LRRTM4: variants seen among roughly 807,000 people sequenced by gnomAD.
LRRTM4 encodes the protein leucine rich repeat transmembrane neuronal 4.
A neutral mutation model predicts 47.6 loss-of-function variants in LRRTM4; 25 were observed. The observed-to-expected ratio is 0.53, with a 90% confidence interval of 0.38 to 0.73. The LOEUF is 0.73. LRRTM4 is among the 30% of genes least tolerant of loss of function. The pLI is 0.00. For missense variants in LRRTM4, 638 were observed against 713.4 expected (o/e 0.89, Z 1.20); for synonymous variants, 311 against 269.5 (o/e 1.15, Z -1.51).
At chr2:77,196,312 C>T (rs1011083451) in intron 3 of LRRTM4, among the ~76,000 whole-genome samples, 1 of 152,094 alleles carries the variant, frequency 6.6e-6, no homozygotes, top group African/African-American at 2.4e-5. Flanking sequence ...CATTTATTCA[C>T]GTTGAGTACA....
At position 77,521,674 on chromosome 2, in the gene LRRTM4, T is replaced by C. The variant is rs1679506780; in HGVS notation, c.-3A>G. The stretch of plus-strand genomic sequence containing the variant: ...ACAACAAAAGTTCACTTACCCATCC[T>C]TTGTCATCCAAAAACGTTTCCCCCC... On this transcript the variant is annotated 5_prime_UTR_variant, in exon 2 of 4. Transcript: ENST00000409884. The C allele has an allele frequency of 2.5e-6, 4 of 1,612,040 alleles. No individual in the cohort carries two copies. Among genetic ancestry groups the C allele is most frequent in the Non-Finnish European group, 2.5e-6 (3 of 1,179,072 alleles).
intron 3 of LRRTM4, among the ~76,000 whole-genome samples, chr2:77,047,210 A>C (rs965770597): frequency 6.6e-6 from 1 of 152,056 alleles, no homozygotes; most frequent in Non-Finnish European, 1.5e-5. Context: ...TTATTAAATG[A>C]ACTGAGCCTT....
chr2:77,370,457 G>A (rs1173141109), intron 3 of LRRTM4, among the ~76,000 whole-genome samples: 1 of 151,468 alleles, frequency 6.6e-6, no homozygotes, highest in Non-Finnish European at 1.5e-5. Flanking sequence ...CTTCTAATTT[G>A]AGGAAAATAG....
chr2:77,166,262 A>C (rs1313210610), intron 3 of LRRTM4, among the ~76,000 whole-genome samples: 1 of 152,164 alleles, frequency 6.6e-6, no homozygotes, highest in Admixed American at 6.6e-5. Flanking sequence ...GATGTGAAGG[A>C]CCTCTTCAAG....
At chr2:76,938,769 TTATAA>T (rs1169870073) in intron 3 of LRRTM4, among the ~76,000 whole-genome samples, 7 of 152,254 alleles carry the variant, frequency 4.6e-5, no homozygotes, top group Admixed American at 6.5e-5. Flanking sequence ...AAATTATCCT[TTATAA>T]TATATCACTG....
At chr2:76,990,816 A>T (rs549693702) in intron 3 of LRRTM4, among the ~76,000 whole-genome samples, 1 of 151,792 alleles carries the variant, frequency 6.6e-6, no homozygotes, top group South Asian at 2.1e-4. Context: ...ACACCTACAG[A>T]CTATTGCACC....
At chr2:77,511,934 T>C (rs143795029) in intron 3 of LRRTM4, among the ~76,000 whole-genome samples, 825 of 152,204 alleles carry the variant, frequency 5.4e-3, no homozygotes, top group Non-Finnish European at 8.0e-3. Context: ...ACTTAAGGTG[T>C]TAGCTTTCAT....
chr2:77,101,341 A>G (rs911092570), intron 3 of LRRTM4, among the ~76,000 whole-genome samples: 1 of 152,186 alleles, frequency 6.6e-6, no homozygotes, highest in Non-Finnish European at 1.5e-5. Flanking sequence ...CTATACCAGA[A>G]GTCCTTCTTA....
chr2:76,852,007 A>G (rs893828469), intron 3 of LRRTM4, among the ~76,000 whole-genome samples: 3 of 152,154 alleles, frequency 2.0e-5, no homozygotes, highest in South Asian at 2.1e-4. Context: ...TTGCATGTAC[A>G]TTAAAGACTC....
At chr2:77,447,490 A>G (rs115610593) in intron 3 of LRRTM4, among the ~76,000 whole-genome samples, 5,075 of 152,182 alleles carry the variant, frequency 0.033, 117 homozygotes, top group Non-Finnish European at 0.049. Flanking sequence ...ACCATGTGTT[A>G]TTAGCCACAC....
intron 3 of LRRTM4, among the ~76,000 whole-genome samples, chr2:77,442,884 G>C (rs138235605): frequency 3.9e-5 from 6 of 152,116 alleles, no homozygotes; most frequent in Non-Finnish European, 8.8e-5. Flanking sequence ...CCAATGGAGA[G>C]GATATGGAAG....
At chr2:76,779,454 G>T (rs1674224248) in intron 3 of LRRTM4, among the ~76,000 whole-genome samples, 2 of 148,420 alleles carry the variant, frequency 1.3e-5, no homozygotes, top group African/African-American at 5.0e-5. Flanking sequence ...CCTGTATTGG[G>T]TGCATATATA....
At chr2:77,059,969 CT>C (rs1679733341) in intron 3 of LRRTM4, among the ~76,000 whole-genome samples, 1 of 152,100 alleles carries the variant, frequency 6.6e-6, no homozygotes, top group African/African-American at 2.4e-5. Flanking sequence ...TTTGTATCTG[CT>C]TTGTTTTTAG....
intron 3 of LRRTM4, among the ~76,000 whole-genome samples, chr2:76,838,914 A>T (rs1396671072): frequency 6.6e-6 from 1 of 152,106 alleles, no homozygotes; most frequent in Non-Finnish European, 1.5e-5. Context: ...AAATAAACCT[A>T]ACCTTCCAAT....
chr2:76,752,295 T>C (rs1672877540), intron 3 of LRRTM4, among the ~76,000 whole-genome samples: 1 of 152,158 alleles, frequency 6.6e-6, no homozygotes, highest in Non-Finnish European at 1.5e-5. Context: ...GAGATAACAA[T>C]TTCATAGCTA....
intron 3 of LRRTM4, among the ~76,000 whole-genome samples, chr2:77,355,986 G>C (rs567329363): frequency 6.6e-6 from 1 of 152,220 alleles, no homozygotes; most frequent in Non-Finnish European, 1.5e-5. Flanking sequence ...CCAGCTACTT[G>C]GGAGACTGAG....
Position 76,959,436 on chromosome 2 carries a change from A to G in LRRTM4, c.1552-210520T>C, listed in dbSNP as rs141142385. On this transcript the variant is annotated intron_variant, in intron 3 of 3. Transcript: ENST00000409884. ...AATAACTAAAATCAGAAACATCAAA[A>G]TATTTCTGGGGAAAAAAAACACGAC... Among the ~76,000 whole-genome samples the G allele has an allele frequency of 1.1e-3, 171 of 151,242 alleles. 1 individual carries two copies. Among genetic ancestry groups the G allele is most frequent in the Middle Eastern group, 0.01 (3 of 294 alleles).
In LRRTM4 at chr2:77,188,044, T is replaced by C. The variant is rs183213535; in HGVS notation, c.1551+330274A>G. ...ACATACCAATTTTACATTTAGCTTTTAGTTCTTAAAAATTAGTGTGATGAC... is the reference window on the plus strand; with the variant it reads ...ACATACCAATTTTACATTTAGCTTTCAGTTCTTAAAAATTAGTGTGATGAC... On this transcript the variant is annotated intron_variant, in intron 3 of 3. Transcript: ENST00000409884. Among the ~76,000 whole-genome samples the C allele has an allele frequency of 5.2e-3, 786 of 152,310 alleles. 6 individuals are homozygous for C. Among genetic ancestry groups the C allele is most frequent in the African/African-American group, 0.018 (750 of 41,586 alleles).
intron 3 of LRRTM4, among the ~76,000 whole-genome samples, chr2:77,393,981 G>A (rs1346541396): frequency 6.6e-6 from 1 of 151,946 alleles, no homozygotes; most frequent in African/African-American, 2.4e-5. Context: ...TGATTTATCA[G>A]AAATTTATAT....
Sources: allele counts gnomAD v4.1 joint callset (sites outside exome capture counted in the v4.1 genomes callset), GRCh38; gene constraint gnomAD v4.1.1; transcripts MANE v1.5; gene names NCBI Gene and HGNC (gene_info 2026-07-23, HGNC 2026-07-21).